Variants in NDRG1 observed in about 807,000 individuals in gnomAD.
NDRG1 encodes the protein N-myc downstream regulated 1, also known as protein NDRG1.
A neutral mutation model predicts 56.9 loss-of-function variants in NDRG1; 32 were observed. The observed-to-expected ratio is 0.56, with a 90% CI of 0.42 to 0.76. The LOEUF (loss-of-function observed/expected upper bound fraction) is 0.76, where lower values mean the gene tolerates loss of function less well. Ranked by LOEUF, NDRG1 falls within the 30% of genes least tolerant of loss-of-function variation. The pLI, the probability that NDRG1 is intolerant of heterozygous loss-of-function variation, is 0.00. For synonymous variants in NDRG1, 211 were observed against 204.1 expected, an observed-to-expected ratio of 1.03 and a Z score of -0.29; for missense variants, 507 against 545.7, an observed-to-expected ratio of 0.93 and a Z score of 0.71.
At chr8:133,278,341 C>T (rs1055521497) in intron 3 of NDRG1, among the ~76,000 whole-genome samples, 1 of 152,160 alleles carries the variant, frequency 6.6e-6, no homozygotes, top group African/African-American at 2.4e-5. Flanking sequence ...CCCACCATGC[C>T]ACCCTCAATG....
intron 2 of NDRG1, among the ~76,000 whole-genome samples, chr8:133,280,711 A>G (rs998321676): frequency 1.2e-4 from 18 of 152,248 alleles, no homozygotes; most frequent in Admixed American, 1.1e-3. Flanking sequence ...TGGGGATTAC[A>G]GGTGTGAGCC....
chr8:133,249,329 C>G (rs1586419115), intron 10 of NDRG1: 1 of 167,528 alleles, frequency 6.0e-6, no homozygotes, highest in Admixed American at 5.5e-5. Flanking sequence ...AGCCACCCAC[C>G]CTCTCTGCTA....
intron 3 of NDRG1, among the ~76,000 whole-genome samples, chr8:133,277,933 T>A (rs993829444): frequency 6.6e-6 from 1 of 152,138 alleles, no homozygotes; most frequent in African/African-American, 2.4e-5. Flanking sequence ...AGGGCACCCA[T>A]GGGGCTTGCG....
intron 8 of NDRG1, chr8:133,255,377 T>C: frequency 2.2e-6 from 1 of 456,260 alleles, no homozygotes; most frequent in South Asian, 1.5e-5. Context: ...CAGTATCTAA[T>C]ACCAATGCCT....
chr8:133,246,517 C>T lies in NDRG1; in HGVS notation c.855+99G>A, dbSNP rs975614125. On this transcript the variant is annotated intron_variant, in intron 13 of 15. Transcript: ENST00000323851. ...AATCATTAATTCTATAGTTTCTGAT[C>T]GTGTGCCTTGCCTTTTTCAAGCCTA... The T allele has an allele frequency of 7.8e-5, 93 of 1,187,946 alleles. No individual in the cohort carries two copies. In the East Asian group the frequency reaches 1.0e-3, roughly 13 times the overall value. The allele number at this position is 1,187,946 out of a possible 1,614,324, so 73.6% of individuals were successfully genotyped here. A position where few individuals can be genotyped will look rare whatever the true frequency, so the allele number is the denominator to read the frequency against.
chr8:133,269,269 C>T (rs1857072052), intron 3 of NDRG1, among the ~76,000 whole-genome samples: 1 of 152,160 alleles, frequency 6.6e-6, no homozygotes, highest in East Asian at 1.9e-4. Flanking sequence ...CATCCAGAGC[C>T]CCACACCCAG....
At chr8:133,261,108 CT>C (rs1300249866) in intron 5 of NDRG1, among the ~76,000 whole-genome samples, 3 of 152,220 alleles carry the variant, frequency 2.0e-5, no homozygotes, top group Admixed American at 6.5e-5. Context: ...GCTGTGCAAC[CT>C]TTTTTTCTTT....
Position 133,267,777 on chromosome 8 carries a change from G to C in NDRG1, c.100-3125C>G, listed in dbSNP as rs147899936. Reference sequence around the variant, plus strand: ...CAAGTCCTACCACTCCCCAACCTCCGAGCCTCCAGGTCCTCACCCCTGAGC... The same window carrying C: ...CAAGTCCTACCACTCCCCAACCTCCCAGCCTCCAGGTCCTCACCCCTGAGC... On this transcript the variant is annotated intron_variant, in intron 3 of 15. Coordinates refer to ENST00000323851, the MANE Select transcript of NDRG1 (RefSeq NM_006096.4). Among the ~76,000 whole-genome samples the C allele has an allele frequency of 9.8e-3, 1,484 of 152,180 alleles. 12 individuals carry two copies. Among genetic ancestry groups the C allele is most frequent in the Middle Eastern group, 0.048 (14 of 294 alleles).
At chr8:133,239,154 G>C (rs559168994) in intron 15 of NDRG1, 35 bp from the exon 16 acceptor site, 100 of 1,549,806 alleles carry the variant, frequency 6.5e-5, no homozygotes, top group Admixed American at 9.8e-5. Flanking sequence ...TAGAGGGCAG[G>C]AGACTGCCAG....
chr8:133,290,021 C>A (rs1427007148), intron 1 of NDRG1, among the ~76,000 whole-genome samples: 2 of 152,168 alleles, frequency 1.3e-5, no homozygotes. Flanking sequence ...AAAAGGGCCA[C>A]AGGGTCTTAC....
intron 3 of NDRG1, among the ~76,000 whole-genome samples, chr8:133,271,276 C>T (rs950025136): frequency 5.3e-5 from 8 of 152,160 alleles, no homozygotes; most frequent in Admixed American, 3.3e-4. Flanking sequence ...AGAGCAGTTA[C>T]GGTGCCCTCT....
intron 8 of NDRG1, chr8:133,255,347 A>G (rs1480027162): frequency 2.2e-6 from 1 of 456,350 alleles, no homozygotes; most frequent in South Asian, 1.5e-5. Flanking sequence ...AAGGACTGCA[A>G]GAAGTAACTG....
rs940768797 is a variant in NDRG1, at chr8:133,248,753, A to C, written c.717T>G (p.Ile239Met). Residue 239 changes from isoleucine (I) to methionine (M), a missense_variant, in exon 11 of 16, where the codon ATT (isoleucine) becomes ATG (methionine). By Grantham distance (10) the Ile-to-Met change is conservative. Coordinates refer to ENST00000323851, the MANE Select transcript of NDRG1 (RefSeq NM_006096.4). Reference sequence around the variant, plus strand: ...TGTGGGTTCCCGGCATTGGTCGCTCAATCTCCAGGTCGCGCCGGCTGCAGG... The same window carrying C: ...TGTGGGTTCCCGGCATTGGTCGCTCCATCTCCAGGTCGCGCCGGCTGCAGG... Reference protein sequence around the residue: ...NAYNSRRDLEIERPMPGTHTV... With the variant: ...NAYNSRRDLEMERPMPGTHTV... 4 of 1,614,080 alleles carry C rather than the reference A, an allele frequency of 2.5e-6. No homozygotes were observed. The African/African-American group carries it at 5.3e-5, about 22-fold the overall frequency.
chr8:133,281,899 A>G (rs1444901820), intron 2 of NDRG1, among the ~76,000 whole-genome samples: 2 of 152,316 alleles, frequency 1.3e-5, no homozygotes, highest in African/African-American at 2.4e-5. Context: ...GGGGAAAGCC[A>G]TTCTGTACAG....
chr8:133,294,840 C>T (rs1858652205), intron 1 of NDRG1, among the ~76,000 whole-genome samples: 1 of 152,210 alleles, frequency 6.6e-6, no homozygotes, highest in Admixed American at 6.5e-5. Flanking sequence ...ACCAGAAATT[C>T]AATGAAGATG....
chr8:133,251,916 T>C (rs1856067686), intron 9 of NDRG1, among the ~76,000 whole-genome samples: 1 of 152,042 alleles, frequency 6.6e-6, no homozygotes, highest in African/African-American at 2.4e-5. Context: ...GAGAAGACCA[T>C]GTGAAGACAG....
chr8:133,255,356 T>C (rs961856250), intron 8 of NDRG1: 1 of 456,306 alleles, frequency 2.2e-6, no homozygotes, highest in South Asian at 1.5e-5. Context: ...AAGAAGTAAC[T>C]GCACACATCA....
At chr8:133,257,858 T>C (rs369194895) in intron 7 of NDRG1, among the ~76,000 whole-genome samples, 6 of 152,198 alleles carry the variant, frequency 3.9e-5, no homozygotes, top group African/African-American at 1.4e-4. Context: ...CAGCAAATAA[T>C]AGGTAGTCAA....
chr8:133,279,138 C>G (rs1292519093), intron 3 of NDRG1, among the ~76,000 whole-genome samples: 1 of 152,180 alleles, frequency 6.6e-6, no homozygotes, highest in Non-Finnish European at 1.5e-5. Context: ...GATCTGCCTG[C>G]CTCGGCCTTC....
Sources: allele counts gnomAD v4.1 joint callset (sites outside exome capture counted in the v4.1 genomes callset), GRCh38; gene constraint gnomAD v4.1.1; transcripts MANE v1.5; gene names NCBI Gene and HGNC (gene_info 2026-07-23, HGNC 2026-07-21).